CST8: variants seen among roughly 807,000 people sequenced by gnomAD.
CST8 encodes cystatin 8, also known as cystatin-8.
Under a neutral mutation model 11.8 loss-of-function variants are expected in CST8, and 20 were observed. The ratio of observed to expected loss-of-function variants is 1.70; its 90% CI spans 1.20 to 2.47. CST8 has a LOEUF of 2.47. Ranked by LOEUF, CST8 falls within the 30% of genes most tolerant of loss-of-function variation. The pLI is 0.00. For synonymous variants in CST8, 77 were observed against 63.1 expected, an observed-to-expected ratio of 1.22 and a Z score of -1.05; for missense variants, 196 against 167.2, an observed-to-expected ratio of 1.17 and a Z score of -0.95.
downstream of CST8, among the ~76,000 whole-genome samples, chr20:23,498,845 A>C (rs1483703432): frequency 1.3e-5 from 2 of 152,142 alleles, no homozygotes; most frequent in Non-Finnish European, 2.9e-5. Context: ...CTCCATAAGA[A>C]ATTGCCCTCC....
At chr20:23,497,987 ATGTGTG>A (rs11471783), downstream of CST8, among the ~76,000 whole-genome samples, 1 of 150,192 alleles carries the variant, frequency 6.7e-6, no homozygotes, top group East Asian at 1.9e-4. Flanking sequence ...ATGTGTGTGC[ATGTGTG>A]TGTGTGTGTG....
downstream of CST8, among the ~76,000 whole-genome samples, chr20:23,498,994 A>T (rs1295623390): frequency 6.6e-6 from 1 of 152,190 alleles, no homozygotes; most frequent in Non-Finnish European, 1.5e-5. Flanking sequence ...TTTCTGGGAT[A>T]TGAGTGTCTT....
chr20:23,491,384 C>G, intron 1 of CST8, 42 bp downstream of exon 1: 1 of 481,686 alleles, frequency 2.1e-6, no homozygotes, highest in Non-Finnish European at 3.8e-6. Context: ...GAGGAACTCT[C>G]CCTAGACACA....
the CST8 span, among the ~76,000 whole-genome samples, chr20:23,501,248 C>A: frequency 6.6e-6 from 1 of 152,200 alleles, no homozygotes; most frequent in Non-Finnish European, 1.5e-5. Context: ...CAGATAGTAT[C>A]GCCCATTGCT....
chr20:23,503,955 A>C, the CST8 span, among the ~76,000 whole-genome samples: 1 of 152,246 alleles, frequency 6.6e-6, no homozygotes, highest in Non-Finnish European at 1.5e-5. Flanking sequence ...CCCTGGTGAG[A>C]GCATGGAACA....
rs149763863 is a variant in CST8, at chr20:23,493,001, G to T, written c.275G>T (p.Arg92Leu). ...TACCTTATTGATGTAGAAATTGCCC[G>T]CAGCGATTGCAGAAAGCCTTTAAGC... ...LEYLIDVEIA[R>L]SDCRKPLSTN... is the part of the protein sequence containing the mutation. The change falls in exon 3 of 4, where the codon CGC becomes CTC. Residue 92 changes from arginine (R) to leucine (L), a missense_variant. By Grantham distance (102) the Arg-to-Leu change is moderately radical (BLOSUM62 -2). Coordinates refer to ENST00000246012, the MANE Select transcript of CST8 (RefSeq NM_005492.4). 10 of 1,612,860 alleles carry T rather than the reference G, an allele frequency of 6.2e-6. No individual in the cohort carries two copies. Among genetic ancestry groups the T allele is most frequent in the African/African-American group, 2.7e-5 (2 of 74,936 alleles).
chr20:23,498,449 C>A (rs1440369612), downstream of CST8, among the ~76,000 whole-genome samples: 1 of 152,176 alleles, frequency 6.6e-6, no homozygotes, highest in African/African-American at 2.4e-5. Flanking sequence ...ATTTCTGCCC[C>A]CAACAGGATG....
At chr20:23,503,059 G>T in the CST8 span, among the ~76,000 whole-genome samples, 28 of 152,174 alleles carry the variant, frequency 1.8e-4, no homozygotes, top group Non-Finnish European at 8.8e-5. Flanking sequence ...TGTCTAACAG[G>T]CTGTGTTAGG....
Position 23,491,629 on chromosome 20 carries a change from C to A in CST8, c.-39C>A, listed in dbSNP as rs376058851. 2.0e-6 allele frequency: 3 copies of A among 1,519,710 alleles called. No individual in the cohort carries two copies. Among genetic ancestry groups the A allele is most frequent in the Admixed American group, 3.4e-5 (2 of 59,578 alleles). The allele number at this position is 1,519,710 out of a possible 1,614,324, so 94.1% of individuals were successfully genotyped here. A position where few individuals can be genotyped will look rare whatever the true frequency, so the allele number is the denominator to read the frequency against. ...GCCCACAGCTCCAGCCCTGAGACGA[C>A]GAGGAGGAGAGTCGACTTTGCCTCT... is the stretch of plus-strand genomic sequence containing the variant. On this transcript the variant is annotated 5_prime_UTR_variant, in exon 2 of 4. Coordinates refer to ENST00000246012, the MANE Select transcript of CST8 (RefSeq NM_005492.4).
the CST8 span, among the ~76,000 whole-genome samples, chr20:23,506,044 G>A: frequency 6.6e-6 from 1 of 150,786 alleles, no homozygotes; most frequent in Non-Finnish European, 1.5e-5. Context: ...CTCCTAAATA[G>A]CTTCCAAATG....
the CST8 span, among the ~76,000 whole-genome samples, chr20:23,501,664 A>G: frequency 1.3e-5 from 2 of 152,248 alleles, no homozygotes; most frequent in Non-Finnish European, 1.5e-5. Flanking sequence ...AGAAGGCGAC[A>G]CTGCGAATGT....
At chr20:23,501,998 G>A in the CST8 span, among the ~76,000 whole-genome samples, 1 of 152,282 alleles carries the variant, frequency 6.6e-6, no homozygotes, top group East Asian at 1.9e-4. Context: ...GCTGTAGCTT[G>A]ACCACCCAGG....
downstream of CST8, among the ~76,000 whole-genome samples, chr20:23,497,915 G>A (rs528045952): frequency 3.3e-4 from 50 of 152,262 alleles, 1 homozygote; most frequent in South Asian, 6.4e-3. Flanking sequence ...AGAGAGGGGT[G>A]GTGGCAATAA....
chr20:23,497,986 CAT>C (rs1491145801), downstream of CST8, among the ~76,000 whole-genome samples: 86 of 150,174 alleles, frequency 5.7e-4, no homozygotes, highest in Middle Eastern at 3.4e-3. Flanking sequence ...CATGTGTGTG[CAT>C]GTGTGTGTGT....
chr20:23,505,305 C>T, the CST8 span, among the ~76,000 whole-genome samples: 402 of 151,928 alleles, frequency 2.6e-3, 1 homozygote, highest in Non-Finnish European at 3.9e-3. Context: ...CCACCATGGC[C>T]GGCTAACTTT....
chr20:23,495,865 C>A lies in CST8; in HGVS notation c.380C>A (p.Pro127His). 1 of 1,611,436 alleles carries A rather than the reference C, an allele frequency of 6.2e-7. No individual in the cohort carries two copies. The highest frequency in any genetic ancestry group is 8.5e-7 in the Non-Finnish European group (1 of 1,179,316). The change falls in exon 4 of 4, where the codon CCC (proline) becomes CAC (histidine). Residue 127 changes from proline to histidine, a missense_variant. Coordinates refer to ENST00000246012, the MANE Select transcript of CST8 (RefSeq NM_005492.4). ...LSCSFLVGAL[P>H]WNGEFTVMEK... ...TGCAGCTTTTTGGTAGGAGCACTTC[C>A]CTGGAATGGTGAATTCACTGTGATG...
chr20:23,504,644 A>G, the CST8 span, among the ~76,000 whole-genome samples: 167 of 152,302 alleles, frequency 1.1e-3, 1 homozygote, highest in African/African-American at 3.8e-3. Context: ...TATTTAATGC[A>G]TATATAGAAA....
chr20:23,493,010 G>A lies in CST8; in HGVS notation c.284G>A (p.Cys95Tyr). The change falls in exon 3 of 4, where the codon TGC (cysteine) becomes TAC (tyrosine). Residue 95 changes from cysteine to tyrosine, a missense_variant. Transcript: ENST00000246012. Reference sequence around the variant, plus strand: ...GATGTAGAAATTGCCCGCAGCGATTGCAGAAAGCCTTTAAGCACTAATGAA... The same window carrying A: ...GATGTAGAAATTGCCCGCAGCGATTACAGAAAGCCTTTAAGCACTAATGAA... ...LIDVEIARSD[C>Y]RKPLSTNEIC... is the part of the protein sequence containing the mutation. 1 of 1,613,592 alleles carries A rather than the reference G, an allele frequency of 6.2e-7. No individual in the cohort carries two copies.
downstream of CST8, among the ~76,000 whole-genome samples, chr20:23,500,116 G>C (rs77578305): frequency 1.4e-3 from 206 of 152,026 alleles, 5 homozygotes; most frequent in East Asian, 0.034. Flanking sequence ...TCAATCTTAC[G>C]GTGGGAAACT....
Sources: gnomAD v4.1 joint callset for allele counts (sites outside exome capture counted in the v4.1 genomes callset) on GRCh38, gnomAD v4.1.1 for gene constraint, MANE v1.5 for transcripts, NCBI Gene and HGNC (gene_info 2026-07-23, HGNC 2026-07-21) for gene names.